SLC44A1: variants seen among roughly 807,000 people sequenced by gnomAD.
SLC44A1 encodes solute carrier family 44 member 1.
Under a neutral mutation model 79.3 loss-of-function variants are expected in SLC44A1, and 26 were observed. The ratio of observed to expected loss-of-function variants is 0.33; its 90% CI spans 0.24 to 0.46. The LOEUF (loss-of-function observed/expected upper bound fraction) is 0.46, where lower values mean the gene tolerates loss of function less well. Among genes scored for constraint, SLC44A1 ranks in the 20% least tolerant of loss-of-function variants. The probability of loss-of-function intolerance (pLI) is 1.00; values close to 1 mark genes in which losing one functional copy is unlikely to be tolerated. For missense variants in SLC44A1, 688 were observed against 798.1 expected (o/e 0.86, Z 1.66); for synonymous variants, 263 against 286.2 (o/e 0.92, Z 0.82).
chr9:105,395,761 G>A lies in SLC44A1; in HGVS notation c.*6705G>A. The A allele has an allele frequency of 1.0e-6, 1 of 984,862 alleles. No individual in the cohort carries two copies. The highest frequency in any genetic ancestry group is 1.2e-6 in the Non-Finnish European group (1 of 829,554). The allele number at this position is 984,862 out of a possible 1,614,324, so 61.0% of individuals were successfully genotyped here. On this transcript the variant is annotated 3_prime_UTR_variant, in exon 16 of 16. Coordinates refer to ENST00000374720, the MANE Select transcript of SLC44A1 (RefSeq NM_080546.5). ...TTCAGGAGCATGTGTTAAATCATATGAGTAAAAAAAAAGTAGACATTGAAA... is the reference window on the plus strand; with the variant it reads ...TTCAGGAGCATGTGTTAAATCATATAAGTAAAAAAAAAGTAGACATTGAAA...
chr9:105,400,319 T>C (rs141627929), downstream of SLC44A1, among the ~76,000 whole-genome samples: 155 of 151,578 alleles, frequency 1.0e-3, no homozygotes, highest in African/African-American at 3.6e-3. Flanking sequence ...TGAAACCCCG[T>C]CTCTACTAAA....
At chr9:105,360,547 G>A (rs1299626261) in intron 7 of SLC44A1, among the ~76,000 whole-genome samples, 1 of 152,164 alleles carries the variant, frequency 6.6e-6, no homozygotes, top group Non-Finnish European at 1.5e-5. Context: ...GCTCTCATAT[G>A]TGGAGGTAGG....
chr9:105,429,627 C>G (rs1588881590), intron 15 of SLC44A1, among the ~76,000 whole-genome samples: 1 of 152,234 alleles, frequency 6.6e-6, no homozygotes, highest in East Asian at 1.9e-4. Context: ...TAATTTTTGA[C>G]AGTAATTATG....
intron 3 of SLC44A1, among the ~76,000 whole-genome samples, chr9:105,325,374 C>T (rs892146646): frequency 1.3e-5 from 2 of 152,138 alleles, no homozygotes; most frequent in Non-Finnish European, 2.9e-5. Context: ...TGTATTCACT[C>T]GTTTTCTGTT....
At chr9:105,295,678 G>A (rs762916965) in intron 1 of SLC44A1, among the ~76,000 whole-genome samples, 4 of 152,088 alleles carry the variant, frequency 2.6e-5, no homozygotes, top group Non-Finnish European at 4.4e-5. Context: ...AACTAATTGA[G>A]GTTATTGCTT....
Position 105,436,327 on chromosome 9 carries a change from A to T in SLC44A1, c.1951-1954A>T, listed in dbSNP as rs117586732. On this transcript the variant is annotated intron_variant, in intron 15 of 15. Coordinates refer to the SLC44A1 transcript ENST00000374724. Reference sequence around the variant, plus strand: ...GGCCACATGATCATAACCAAGCAACAATCAGTCAGATGTCAGTCTAATCAT... The same window carrying T: ...GGCCACATGATCATAACCAAGCAACTATCAGTCAGATGTCAGTCTAATCAT... 1.6e-3 allele frequency among the ~76,000 whole-genome samples: 242 copies of T among 152,342 alleles called. 1 individual carries two copies. The East Asian group carries it at 0.037, about 23-fold the overall frequency.
intron 3 of SLC44A1, among the ~76,000 whole-genome samples, chr9:105,319,416 A>G (rs1450301438): frequency 6.6e-6 from 1 of 152,112 alleles, no homozygotes; most frequent in Non-Finnish European, 1.5e-5. Context: ...GTACTTTCTC[A>G]GTGTCAGTGT....
At chr9:105,323,706 C>A (rs866292118) in intron 3 of SLC44A1, among the ~76,000 whole-genome samples, 2 of 152,284 alleles carry the variant, frequency 1.3e-5, no homozygotes, top group Middle Eastern at 3.4e-3. Context: ...ATGTAGTTTA[C>A]AAAGCACTCT....
chr9:105,414,439 C>G (rs1829141266), intron 15 of SLC44A1, among the ~76,000 whole-genome samples: 1 of 152,098 alleles, frequency 6.6e-6, no homozygotes, highest in South Asian at 2.1e-4. Context: ...CCCTCAGCAC[C>G]CCCTGGGTAA....
At chr9:105,317,262 G>T (rs1335190675) in intron 3 of SLC44A1, among the ~76,000 whole-genome samples, 1 of 152,122 alleles carries the variant, frequency 6.6e-6, no homozygotes, top group East Asian at 1.9e-4. Context: ...GCAGCATCTT[G>T]GTTGCAGGTT....
At position 105,396,700 on chromosome 9, in the gene SLC44A1, C is replaced by A; in HGVS notation, c.*7644C>A. ...AAGTATGTTTTGGTGCCACATATTT[C>A]TCAATCTGATGCCTTTTTGTCTTTT... On this transcript the variant is annotated 3_prime_UTR_variant, in exon 16 of 16. Coordinates refer to ENST00000374720, the MANE Select transcript of SLC44A1 (RefSeq NM_080546.5). 3.0e-6 allele frequency: 3 copies of A among 984,438 alleles called. No individual in the cohort carries two copies. Among genetic ancestry groups the A allele is most frequent in the Non-Finnish European group, 3.6e-6 (3 of 829,536 alleles). 61.0% of individuals were successfully genotyped at this position (984,438 alleles called of 1,614,324 possible).
intron 3 of SLC44A1, among the ~76,000 whole-genome samples, chr9:105,318,765 A>C (rs1201181521): frequency 6.6e-6 from 1 of 152,052 alleles, no homozygotes; most frequent in Admixed American, 6.5e-5. Flanking sequence ...CAAAGTCAAA[A>C]TGTTTTGCCA....
Position 105,251,875 on chromosome 9 carries a change from G to A in SLC44A1, c.36+6971G>A, listed in dbSNP as rs182747574. Among the ~76,000 whole-genome samples the A allele has an allele frequency of 1.1e-4, 17 of 152,268 alleles. No homozygotes were observed. In the South Asian group the frequency reaches 1.5e-3, roughly 13 times the overall value. ...TCATAGCCTTATGTGTTTTCCCTGT[G>A]AGCACTTAAAGCAGTAAACACGTAA... On this transcript the variant is annotated intron_variant, in intron 1 of 15. Transcript: ENST00000374720.
At chr9:105,324,980 T>C (rs866559747) in intron 3 of SLC44A1, among the ~76,000 whole-genome samples, 1 of 152,192 alleles carries the variant, frequency 6.6e-6, no homozygotes, top group Non-Finnish European at 1.5e-5. Context: ...TACCATATGA[T>C]CCAGCAATTC....
At chr9:105,248,322 C>T (rs979106527) in intron 1 of SLC44A1, among the ~76,000 whole-genome samples, 5 of 152,174 alleles carry the variant, frequency 3.3e-5, no homozygotes, top group African/African-American at 1.2e-4. Flanking sequence ...ACTTTGATCT[C>T]TTGTAATCTG....
intron 3 of SLC44A1, among the ~76,000 whole-genome samples, chr9:105,319,374 G>C (rs1201029021): frequency 6.6e-6 from 1 of 152,156 alleles, no homozygotes; most frequent in South Asian, 2.1e-4. Flanking sequence ...TGTCTCCCTT[G>C]GGGAGAGTGG....
intron 1 of SLC44A1, among the ~76,000 whole-genome samples, chr9:105,250,113 C>A (rs1419458982): frequency 6.6e-6 from 1 of 151,846 alleles, no homozygotes; most frequent in African/African-American, 2.4e-5. Flanking sequence ...CGGGTTCAAA[C>A]TATGCTCCTG....
At chr9:105,258,763 C>T (rs1245698141) in intron 1 of SLC44A1, among the ~76,000 whole-genome samples, 2 of 152,182 alleles carry the variant, frequency 1.3e-5, no homozygotes, top group African/African-American at 4.8e-5. Context: ...TCTTGGCTCA[C>T]TGCAACCCCT....
At chr9:105,293,489 T>G (rs944649100) in intron 1 of SLC44A1, among the ~76,000 whole-genome samples, 1 of 152,216 alleles carries the variant, frequency 6.6e-6, no homozygotes, top group African/African-American at 2.4e-5. Flanking sequence ...ACTCTTTTTG[T>G]ATGTAATCTG....
Sources: allele counts gnomAD v4.1 joint callset (sites outside exome capture counted in the v4.1 genomes callset), GRCh38; gene constraint gnomAD v4.1.1; transcripts MANE v1.5; gene names NCBI Gene and HGNC (gene_info 2026-07-23, HGNC 2026-07-21).